The following GTF2B variants were observed in gnomAD, a reference collection of about 807,000 sequenced individuals.
GTF2B encodes the protein general transcription factor IIB.
A neutral mutation model predicts 34.6 loss-of-function variants in GTF2B; 20 were observed. That is an observed-to-expected ratio of 0.58 (90% CI 0.41 to 0.84). The LOEUF (loss-of-function observed/expected upper bound fraction) is 0.84, where lower values mean the gene tolerates loss of function less well. GTF2B is among the 40% of genes least tolerant of loss of function. The pLI, the probability that GTF2B is intolerant of heterozygous loss-of-function variation, is 0.00. For synonymous variants in GTF2B, 142 were observed against 132.4 expected (o/e 1.07, Z -0.50); for missense variants, 237 against 393.3 (o/e 0.60, Z 3.36).
chr1:88,882,337 A>AAAAAAAAC (rs1557661028), intron 2 of GTF2B, among the ~76,000 whole-genome samples: 9 of 143,730 alleles, frequency 6.3e-5, no homozygotes, highest in African/African-American at 2.3e-4. Context: ...AAAAAAAAAA[A>AAAAAAAAC]CGCTACAGAG....
At chr1:88,859,737 G>C in intron 5 of GTF2B, 145 bp downstream of exon 5, 3 of 621,498 alleles carry the variant, frequency 4.8e-6, no homozygotes, top group South Asian at 4.0e-5. Flanking sequence ...TCAGGAGGCT[G>C]AGGCAGGAGT....
intron 1 of GTF2B, among the ~76,000 whole-genome samples, chr1:88,888,258 TG>T (rs1482634908): frequency 6.6e-6 from 1 of 152,166 alleles, no homozygotes; most frequent in African/African-American, 2.4e-5. Context: ...ATTTGTGGTT[TG>T]GGGTAAAGTT....
rs752114860 is a variant in GTF2B at position 88,853,365 on chromosome 1, A to C, written c.818-19T>G. The stretch of plus-strand genomic sequence containing the variant: ...CCAATTTCTAAAAGACAAAAATCGA[A>C]ACATTAACCATCATTTCCATCCTAC... On this transcript the variant is annotated intron_variant, in intron 6 of 6. Coordinates refer to ENST00000370500, the MANE Select transcript of GTF2B (RefSeq NM_001514.6). The C allele has an allele frequency of 6.2e-7, 1 of 1,606,972 alleles. No individual in the cohort carries two copies. Among genetic ancestry groups the C allele is most frequent in the South Asian group, 1.1e-5 (1 of 90,950 alleles).
At chr1:88,864,630 C>T (rs1328891189) in intron 2 of GTF2B, among the ~76,000 whole-genome samples, 1 of 152,206 alleles carries the variant, frequency 6.6e-6, no homozygotes, top group African/African-American at 2.4e-5. Context: ...ACAGAATAAA[C>T]CTCAAGCCTA....
At chr1:88,878,623 T>G (rs1346203292) in intron 2 of GTF2B, among the ~76,000 whole-genome samples, 1 of 152,220 alleles carries the variant, frequency 6.6e-6, no homozygotes, top group African/African-American at 2.4e-5. Flanking sequence ...ACCTCGTCAG[T>G]ATCAAGTTTA....
chr1:88,864,543 G>A (rs907356436), intron 2 of GTF2B, among the ~76,000 whole-genome samples: 3 of 152,224 alleles, frequency 2.0e-5, no homozygotes, highest in Non-Finnish European at 4.4e-5. Context: ...CGTGGGAAAT[G>A]CTTCGCAGAA....
chr1:88,863,067 G>T (rs765504296), intron 3 of GTF2B, among the ~76,000 whole-genome samples: 5 of 151,880 alleles, frequency 3.3e-5, no homozygotes, highest in Middle Eastern at 3.4e-3. Context: ...CTTCCAACTC[G>T]GATAACAGAG....
chr1:88,872,455 T>TAAAAAAAAAA (rs34668666), intron 2 of GTF2B, among the ~76,000 whole-genome samples: 4 of 74,832 alleles, frequency 5.3e-5, no homozygotes, highest in Admixed American at 2.1e-4. Context: ...TCCATCTCAA[T>TAAAAAAAAAA]AAAAAAAAAA....
rs1673230601 is a variant in GTF2B at position 88,853,181 on chromosome 1, GTAT to G, written c.*29_*31del. On this transcript the variant is annotated 3_prime_UTR_variant, in exon 7 of 7. Coordinates refer to ENST00000370500, the MANE Select transcript of GTF2B (RefSeq NM_001514.6). ...GGCTATGTACAACAGGCAAAGTTTT[GTAT>G]TCAAGAATTTGACGTTAGCTGCCTC... 1 of 1,608,098 alleles carries G rather than the reference GTAT, an allele frequency of 6.2e-7. No homozygotes were observed. Among genetic ancestry groups the G allele is most frequent in the Non-Finnish European group, 8.5e-7 (1 of 1,174,686 alleles).
At position 88,860,023 on chromosome 1, in the gene GTF2B, A is replaced by T. The variant is rs1413672476; in HGVS notation, c.406-12T>A. The T allele has an allele frequency of 6.2e-7, 1 of 1,613,216 alleles. No homozygotes were observed. The highest frequency in any genetic ancestry group is 1.1e-5 in the South Asian group (1 of 90,960). ...TTATTTGTTCGATCCTTCAAAGCAGAGAAACTAAGTTTAACTCTACGTCAT... is the reference window on the plus strand; with the variant it reads ...TTATTTGTTCGATCCTTCAAAGCAGTGAAACTAAGTTTAACTCTACGTCAT... On this transcript the variant is annotated splice_polypyrimidine_tract_variant and intron_variant, in intron 4 of 6. Transcript: ENST00000370500.
rs192294277 is a variant in GTF2B at position 88,882,174 on chromosome 1, G to T, written c.124+5087C>A. The stretch of plus-strand genomic sequence containing the variant: ...AAAATACAAAAATTAGGTGGGTGTG[G>T]TGGTGCATGCCTGTAATCCCAGGTA... On this transcript the variant is annotated intron_variant, in intron 2 of 6. Transcript: ENST00000370500. 1.5e-4 allele frequency among the ~76,000 whole-genome samples: 23 copies of T among 152,044 alleles called. No individual in the cohort carries two copies. The East Asian group carries it at 3.1e-3, about 20-fold the overall frequency.
intron 2 of GTF2B, 124 bp from the exon 3 acceptor site, chr1:88,864,238 C>T (rs569175842): frequency 1.2e-5 from 9 of 762,726 alleles, no homozygotes; most frequent in Admixed American, 6.7e-5. Flanking sequence ...TAGGACCAAG[C>T]TTAAATATCA....
At position 88,858,144 on chromosome 1, in the gene GTF2B, C is replaced by T. The variant is rs373795164; in HGVS notation, c.536-657G>A. 2.3e-3 allele frequency among the ~76,000 whole-genome samples: 353 copies of T among 151,702 alleles called. 2 individuals carry two copies. Among genetic ancestry groups the T allele is most frequent in the African/African-American group, 7.7e-3 (317 of 41,342 alleles). On this transcript the variant is annotated intron_variant, in intron 5 of 6. Coordinates refer to ENST00000370500, the MANE Select transcript of GTF2B (RefSeq NM_001514.6). ...CCACCCGAGTAGTTGGGATTACAGG[C>T]GCCTGCCACCACACCCGGCTAATTT... is the stretch of plus-strand genomic sequence containing the variant.
intron 2 of GTF2B, among the ~76,000 whole-genome samples, chr1:88,881,956 T>C (rs961802020): frequency 5.9e-5 from 9 of 152,170 alleles, no homozygotes; most frequent in African/African-American, 2.2e-4. Flanking sequence ...ACTGTCTTGC[T>C]GGTTAAAGTG....
At chr1:88,889,116 T>C (rs1674138834) in intron 1 of GTF2B, among the ~76,000 whole-genome samples, 1 of 152,226 alleles carries the variant, frequency 6.6e-6, no homozygotes, top group African/African-American at 2.4e-5. Context: ...TATACATTTG[T>C]TAAAGCATAA....
intron 1 of GTF2B, 116 bp downstream of exon 1, chr1:88,891,367 G>A (rs1009225846): frequency 1.3e-5 from 9 of 710,398 alleles, no homozygotes; most frequent in Admixed American, 1.2e-4. Flanking sequence ...CAGTCCCGCC[G>A]CTTCTCTCCC....
At chr1:88,859,802 C>T (rs1036713492) in intron 5 of GTF2B, 80 bp downstream of exon 5, 19 of 1,338,948 alleles carry the variant, frequency 1.4e-5, no homozygotes, top group Admixed American at 5.4e-5. Context: ...CGCCACTGCA[C>T]TCTGGCCTGG....
At chr1:88,881,620 T>C (rs554447375) in intron 2 of GTF2B, among the ~76,000 whole-genome samples, 1 of 152,328 alleles carries the variant, frequency 6.6e-6, no homozygotes, top group Admixed American at 6.5e-5. Context: ...GCTTACAAGA[T>C]ATATTACACA....
chr1:88,880,878 G>A (rs906499414), intron 2 of GTF2B, among the ~76,000 whole-genome samples: 1 of 151,946 alleles, frequency 6.6e-6, no homozygotes, highest in Admixed American at 6.6e-5. Flanking sequence ...GAGTGGCAGT[G>A]CATACTTTTA....
Sources: gnomAD v4.1 joint callset for allele counts (sites outside exome capture counted in the v4.1 genomes callset) on GRCh38, gnomAD v4.1.1 for gene constraint, MANE v1.5 for transcripts, NCBI Gene and HGNC (gene_info 2026-07-23, HGNC 2026-07-21) for gene names.